The following SGCZ variants were observed in gnomAD, a reference collection of about 807,000 sequenced individuals.
SGCZ encodes zeta-sarcoglycan.
Under a neutral mutation model 41.3 loss-of-function variants are expected in SGCZ, and 40 were observed. That is an observed-to-expected ratio of 0.97 (90% CI 0.75 to 1.26). SGCZ has a LOEUF of 1.26. Ranked by LOEUF, SGCZ falls within the 50% of genes most tolerant of loss-of-function variation. SGCZ has a pLI of 0.00. For synonymous variants in SGCZ, 206 were observed against 137.5 expected (o/e 1.50, Z -3.49); for missense variants, 552 against 369.8 (o/e 1.49, Z -4.04).
chr8:14,955,715 A>G (rs1319037394), intron 1 of SGCZ, among the ~76,000 whole-genome samples: 1 of 152,104 alleles, frequency 6.6e-6, no homozygotes, highest in Non-Finnish European at 1.5e-5. Flanking sequence ...GATTATCAAG[A>G]CCTTTTTTTT....
intron 2 of SGCZ, among the ~76,000 whole-genome samples, chr8:14,484,878 T>C (rs1256139670): frequency 1.3e-5 from 2 of 152,148 alleles, no homozygotes; most frequent in African/African-American, 4.8e-5. Flanking sequence ...CATAGTATAA[T>C]AAGATAAATT....
At chr8:14,094,419 G>C (rs889723406) in intron 7 of SGCZ, among the ~76,000 whole-genome samples, 3 of 152,010 alleles carry the variant, frequency 2.0e-5, no homozygotes, top group African/African-American at 7.2e-5. Context: ...AGTTTGCTGA[G>C]AATGATGGTT....
chr8:14,195,953 T>C (rs1805254340), intron 4 of SGCZ, among the ~76,000 whole-genome samples: 1 of 152,106 alleles, frequency 6.6e-6, no homozygotes, highest in Non-Finnish European at 1.5e-5. Flanking sequence ...AATATGAATC[T>C]ATACAGAGAA....
intron 1 of SGCZ, among the ~76,000 whole-genome samples, chr8:14,861,832 T>C (rs1803758773): frequency 6.6e-6 from 1 of 152,134 alleles, no homozygotes; most frequent in Admixed American, 6.6e-5. Flanking sequence ...AGTTCTTCTT[T>C]GGTGAAAGCT....
At chr8:14,164,413 A>G (rs1804142492) in intron 5 of SGCZ, among the ~76,000 whole-genome samples, 167 bp downstream of exon 5, 1 of 152,134 alleles carries the variant, frequency 6.6e-6, no homozygotes, top group Non-Finnish European at 1.5e-5. Context: ...CTTTTCTACA[A>G]CCACAACCAG....
At chr8:14,427,634 G>A (rs1799824762) in intron 2 of SGCZ, among the ~76,000 whole-genome samples, 1 of 152,140 alleles carries the variant, frequency 6.6e-6, no homozygotes, top group Non-Finnish European at 1.5e-5. Flanking sequence ...TACCAAGAGG[G>A]CTTTACAGGA....
chr8:14,516,521 T>G (rs931983448), intron 2 of SGCZ, among the ~76,000 whole-genome samples: 2 of 152,128 alleles, frequency 1.3e-5, no homozygotes, highest in African/African-American at 2.4e-5. Flanking sequence ...AGTTACTGTT[T>G]TTTTCTAGGT....
intron 1 of SGCZ, among the ~76,000 whole-genome samples, chr8:14,648,423 C>T (rs949597655): frequency 1.3e-5 from 2 of 151,936 alleles, no homozygotes; most frequent in African/African-American, 4.8e-5. Flanking sequence ...TTATTTGGAT[C>T]AAACAAACAA....
At chr8:14,133,702 T>G (rs1368584595) in intron 5 of SGCZ, among the ~76,000 whole-genome samples, 5 of 152,212 alleles carry the variant, frequency 3.3e-5, no homozygotes, top group Non-Finnish European at 5.9e-5. Flanking sequence ...GCTGTAAACC[T>G]TTGACTCTTT....
intron 2 of SGCZ, among the ~76,000 whole-genome samples, chr8:14,487,402 T>A (rs558739153): frequency 1.3e-5 from 2 of 152,182 alleles, no homozygotes. Context: ...TATGGCAAAG[T>A]ATAGCACTTT....
chr8:14,472,338 T>C (rs529288204), intron 2 of SGCZ, among the ~76,000 whole-genome samples: 199 of 152,230 alleles, frequency 1.3e-3, no homozygotes, highest in Non-Finnish European at 2.3e-3. Context: ...TTTAACTAGA[T>C]TGAAAGCCAG....
intron 1 of SGCZ, among the ~76,000 whole-genome samples, chr8:14,692,867 T>C (rs1464193008): frequency 1.3e-5 from 2 of 152,194 alleles, no homozygotes; most frequent in Non-Finnish European, 2.9e-5. Flanking sequence ...TTTTCTGATT[T>C]CACTGAACGC....
chr8:14,238,667 T>G (rs952220313), intron 3 of SGCZ, among the ~76,000 whole-genome samples: 1 of 152,098 alleles, frequency 6.6e-6, no homozygotes, highest in Non-Finnish European at 1.5e-5. Flanking sequence ...AAAACCTAAG[T>G]AGGGTGATCA....
At chr8:14,503,960 G>C (rs1343790228) in intron 2 of SGCZ, among the ~76,000 whole-genome samples, 1 of 151,974 alleles carries the variant, frequency 6.6e-6, no homozygotes, top group Non-Finnish European at 1.5e-5. Context: ...AGTTTTAAGG[G>C]GAAGAACAGT....
intron 1 of SGCZ, among the ~76,000 whole-genome samples, chr8:15,165,391 C>A (rs1799635440): frequency 6.6e-6 from 1 of 152,124 alleles, no homozygotes; most frequent in African/African-American, 2.4e-5. Context: ...AAAAACAGCC[C>A]TAAAGACTAT....
chr8:14,558,077 C>T (rs996804279), intron 1 of SGCZ, among the ~76,000 whole-genome samples: 1 of 152,008 alleles, frequency 6.6e-6, no homozygotes, highest in African/African-American at 2.4e-5. Flanking sequence ...GGACATGGCT[C>T]AATTCCCAAA....
chr8:15,201,621 T>C (rs1211495886), intron 1 of SGCZ, among the ~76,000 whole-genome samples: 1 of 152,164 alleles, frequency 6.6e-6, no homozygotes, highest in Admixed American at 6.5e-5. Context: ...TTCTAACAGG[T>C]ACCATTCAAT....
At chr8:15,180,754 G>C (rs539239621) in intron 1 of SGCZ, among the ~76,000 whole-genome samples, 1 of 135,776 alleles carries the variant, frequency 7.4e-6, no homozygotes, top group Non-Finnish European at 1.7e-5. Context: ...GGGCATGGTG[G>C]TGGGCGCCTG....
At chr8:14,885,361 G>T (rs1166985674) in intron 1 of SGCZ, among the ~76,000 whole-genome samples, 1 of 152,092 alleles carries the variant, frequency 6.6e-6, no homozygotes. Flanking sequence ...TATTTGTTAT[G>T]CCTAGGGACT....
Sources: gnomAD v4.1 joint callset for allele counts (sites outside exome capture counted in the v4.1 genomes callset) on GRCh38, gnomAD v4.1.1 for gene constraint, MANE v1.5 for transcripts, NCBI Gene and HGNC (gene_info 2026-07-23, HGNC 2026-07-21) for gene names.